TBL3: variants seen among roughly 807,000 people sequenced by gnomAD.
TBL3 encodes the protein transducin beta-like protein 3.
TBL3 carries 71 observed loss-of-function variants against 102.7 expected under a neutral mutation model. The observed-to-expected ratio is 0.69, with a 90% confidence interval of 0.57 to 0.84. The LOEUF (loss-of-function observed/expected upper bound fraction) is 0.84. Ranked by LOEUF, TBL3 falls within the 40% of genes least tolerant of loss-of-function variation. The pLI is 0.00. For synonymous variants in TBL3, 578 were observed against 477.7 expected, an observed-to-expected ratio of 1.21 and a Z score of -2.74; for missense variants, 1,188 against 1,098.5, an observed-to-expected ratio of 1.08 and a Z score of -1.15.
rs76059545 is a variant in TBL3 at position 1,973,083 on chromosome 16, G to A, written c.41+878G>A. The stretch of plus-strand genomic sequence containing the variant: ...GGGAGGTGTGTGGGCAGAAGGGAGG[G>A]GCTAACGCAGGGCAGTGACATCTTC... On this transcript the variant is annotated intron_variant, in intron 1 of 21. Coordinates refer to ENST00000568546, the MANE Select transcript of TBL3 (RefSeq NM_006453.3). Among the ~76,000 whole-genome samples, 1,504 of 152,278 alleles carry A rather than the reference G, an allele frequency of 9.9e-3. 24 individuals carry two copies. The highest frequency in any genetic ancestry group is 0.034 in the African/African-American group (1,400 of 41,536).
chr16:1,977,468 C>CGG lies in TBL3; in HGVS notation c.1743-41_1743-40dup, dbSNP rs143294847. The CGG allele has an allele frequency of 1.9e-4, 110 of 568,550 alleles. 2 individuals are homozygous for CGG. Among genetic ancestry groups the CGG allele is most frequent in the African/African-American group, 1.9e-3 (98 of 51,450 alleles). The allele number at this position is 568,550 out of a possible 1,614,324, so 35.2% of individuals were successfully genotyped here. A position where few individuals can be genotyped will look rare whatever the true frequency, so the allele number is the denominator to read the frequency against. ...GGGGCAGCGATGGAGTGGGGGGTGG[C>CGG]GGGGGGACCTGCCTGACGCTGAGCC... On this transcript the variant is annotated intron_variant, in intron 16 of 21. Transcript: ENST00000568546.
chr16:1,981,224 C>T lies in TBL3; in HGVS notation c.*2539C>T, dbSNP rs2083503608. 6.2e-7 allele frequency: 1 copy of T among 1,611,660 alleles called. No homozygotes were observed. The highest frequency in any genetic ancestry group is 8.5e-7 in the Non-Finnish European group (1 of 1,179,336). On this transcript the variant is annotated 3_prime_UTR_variant, in exon 22 of 22. Transcript: ENST00000568546. The stretch of plus-strand genomic sequence containing the variant: ...CAGATTCCTGAAATGGGCGAGGACC[C>T]TTCTGCCTCCCCGTGCTTGAGAGGG...
At position 1,974,660 on chromosome 16, in the gene TBL3, C is replaced by G. The variant is rs1425842936; in HGVS notation, c.360C>G (p.Thr120=). The change falls in exon 5 of 22, where the codon ACC becomes ACG. Residue 120 remains threonine (T), a synonymous_variant. Coordinates refer to ENST00000568546, the MANE Select transcript of TBL3 (RefSeq NM_006453.3). ...TGGCCACCATGGCCTTCGACCCCAC[C>G]TCCACTCTGCTAGCCACAGGTAGGG... is the stretch of plus-strand genomic sequence containing the variant. ...APVATMAFDP[T]STLLATGGCD... 1.2e-6 allele frequency: 2 copies of G among 1,608,792 alleles called. No homozygotes were observed. The highest frequency in any genetic ancestry group is 1.3e-5 in the African/African-American group (1 of 74,878).
rs1219840443 is a variant in TBL3 at position 1,976,215 on chromosome 16, A to G, written c.1193A>G (p.Gln398Arg). ...TCCTCAACTCCCTGTCCCCAGGATC[A>G]GAGCGTCCGTATCTGGAGAATGAAC... ...GWLFASCAKD[Q>R]SVRIWRMNKA... Residue 398 changes from glutamine to arginine, a missense_variant, in exon 13 of 22, where the codon CAG becomes CGG. Physicochemically the swap from Gln to Arg is conservative, Grantham distance 43. Coordinates refer to ENST00000568546, the MANE Select transcript of TBL3 (RefSeq NM_006453.3). The G allele has an allele frequency of 2.5e-6, 4 of 1,614,076 alleles. No individual in the cohort carries two copies. The highest frequency in any genetic ancestry group is 1.7e-5 in the Admixed American group (1 of 60,006).
At chr16:1,974,345 A>G in intron 3 of TBL3, 31 bp from the exon 4 acceptor site, 1 of 1,596,884 alleles carries the variant, frequency 6.3e-7, no homozygotes. Context: ...GCCCACTCAC[A>G]CCGTGCTCGG....
In TBL3 at chr16:1,977,649, C is replaced by T; in HGVS notation, c.1878C>T (p.Asp626=). 3 of 1,551,926 alleles carry T rather than the reference C, an allele frequency of 1.9e-6. No individual in the cohort carries two copies. The highest frequency in any genetic ancestry group is 2.6e-6 in the Non-Finnish European group (3 of 1,147,220). Residue 626 remains aspartate (D), a synonymous_variant, in exon 17 of 22, where the codon GAC becomes GAT. Coordinates refer to ENST00000568546, the MANE Select transcript of TBL3 (RefSeq NM_006453.3). ...LDDHALTGAS[D]SRVILWKDVT... is the part of the protein sequence containing the mutation. ...ACCACGCCCTCACTGGGGCCAGTGA[C>T]TCCCGAGTCATCCTCTGGAAGGTTG... is the stretch of plus-strand genomic sequence containing the variant.
chr16:1,980,028 C>G lies in TBL3; in HGVS notation c.*1343C>G. 1.2e-6 allele frequency: 2 copies of G among 1,606,602 alleles called. No individual in the cohort carries two copies. Among genetic ancestry groups the G allele is most frequent in the East Asian group, 4.5e-5 (2 of 44,656 alleles). On this transcript the variant is annotated 3_prime_UTR_variant, in exon 22 of 22. Transcript: ENST00000568546. Reference sequence around the variant, plus strand: ...GGTGCCGCAGCAGCACGTCCAGGCTCTCCTGGGCCTGCGCCTGAAAAGGCC... The same window carrying G: ...GGTGCCGCAGCAGCACGTCCAGGCTGTCCTGGGCCTGCGCCTGAAAAGGCC...
Position 1,977,224 on chromosome 16 carries a change from C to T in TBL3, c.1611C>T (p.Ala537=), listed in dbSNP as rs145603054. Residue 537 remains alanine (A), a synonymous_variant, in exon 15 of 22, where the codon GCC becomes GCT. Transcript: ENST00000568546. Reference sequence around the variant, plus strand: ...TCTCTCCCATGGACCAGGTGCTGGCCACGGCCTCAGCTGATGGCACCATCA... The same window carrying T: ...TCTCTCCCATGGACCAGGTGCTGGCTACGGCCTCAGCTGATGGCACCATCA... ...VQFSPMDQVL[A]TASADGTIKL... The T allele has an allele frequency of 3.6e-5, 58 of 1,613,222 alleles. No homozygotes were observed. In the African/African-American group the frequency reaches 6.9e-4, roughly 19 times the overall value.
At chr16:1,978,248 C>T (rs747908144) in intron 20 of TBL3, 28 bp downstream of exon 20, 105 of 1,612,520 alleles carry the variant, frequency 6.5e-5, no homozygotes, top group Admixed American at 3.3e-4. Flanking sequence ...GTGGGTGGCC[C>T]GGTGGGCAAG....
chr16:1,972,169 C>A lies in TBL3; in HGVS notation c.5C>A (p.Ala2Glu). Reference protein sequence around the residue: MAETAAGVGRFK... With the variant: MEETAAGVGRFK... ...TGGAGCGGCGGCGGCGGCAACATGG[C>A]AGAGACCGCGGCCGGAGTGGGCCGC... is the stretch of plus-strand genomic sequence containing the variant. The change falls in exon 1 of 22, where the codon GCA (alanine) becomes GAA (glutamate). Residue 2 changes from alanine (A) to glutamate (E), a missense_variant. Transcript: ENST00000568546. 6.9e-7 allele frequency: 1 copy of A among 1,448,186 alleles called. No individual in the cohort carries two copies. The allele number at this position is 1,448,186 out of a possible 1,614,324, so 89.7% of individuals were successfully genotyped here. A position where few individuals can be genotyped will look rare whatever the true frequency, so the allele number is the denominator to read the frequency against.
chr16:1,977,641 G>A lies in TBL3; in HGVS notation c.1870G>A (p.Ala624Thr). 1 of 1,552,536 alleles carries A rather than the reference G, an allele frequency of 6.4e-7. No homozygotes were observed. Among genetic ancestry groups the A allele is most frequent in the Non-Finnish European group, 8.7e-7 (1 of 1,147,514 alleles). Residue 624 changes from alanine (A) to threonine (T), a missense_variant, in exon 17 of 22, where the codon GCC (alanine) becomes ACC (threonine). Transcript: ENST00000568546. ...SRLDDHALTGASDSRVILWKD... is the reference protein window; with the variant it reads ...SRLDDHALTGTSDSRVILWKD... ...GCTGGACGACCACGCCCTCACTGGG[G>A]CCAGTGACTCCCGAGTCATCCTCTG...
At chr16:1,974,871 G>C (rs374057780) in intron 6 of TBL3, 24 bp downstream of exon 6, 38 of 1,612,918 alleles carry the variant, frequency 2.4e-5, no homozygotes, top group Non-Finnish European at 3.2e-5. Flanking sequence ...TGGAGGGGGA[G>C]GGCAGAGGCA....
rs1314214543 is a variant in TBL3, at chr16:1,979,473, G to GC, written c.*793dup. The GC allele has an allele frequency of 6.2e-7, 1 of 1,611,644 alleles. No homozygotes were observed. Among genetic ancestry groups the GC allele is most frequent in the African/African-American group, 1.3e-5 (1 of 75,020 alleles). On this transcript the variant is annotated 3_prime_UTR_variant, in exon 22 of 22. Transcript: ENST00000568546. ...TGACGTTTCCAACACGCGCACGCGC[G>GC]CCCCCGCGGGCACGGACAGCTCATC...
intron 13 of TBL3, among the ~76,000 whole-genome samples, chr16:1,976,559 G>A (rs1021429830): frequency 2.0e-5 from 3 of 152,204 alleles, no homozygotes; most frequent in South Asian, 2.1e-4. Flanking sequence ...GACCCTGCAC[G>A]AGGCCCAGGT....
chr16:1,973,955 G>C (rs900273954), intron 1 of TBL3, 101 bp from the exon 2 acceptor site: 6 of 1,287,160 alleles, frequency 4.7e-6, no homozygotes, highest in Non-Finnish European at 6.1e-6. Context: ...CTCAAGGGCA[G>C]GGGCCATTGG....
At position 1,980,505 on chromosome 16, in the gene TBL3, C is replaced by T. The variant is rs763912614; in HGVS notation, c.*1820C>T. ...TTCCAACAGCTGCAGGCGCGCCAGG[C>T]CGCGGCTCGTGCGCCCCACGCGTCC... On this transcript the variant is annotated 3_prime_UTR_variant, in exon 22 of 22. Coordinates refer to ENST00000568546, the MANE Select transcript of TBL3 (RefSeq NM_006453.3). 6.2e-6 allele frequency: 10 copies of T among 1,603,146 alleles called. No individual in the cohort carries two copies. Among genetic ancestry groups the T allele is most frequent in the Non-Finnish European group, 8.5e-6 (10 of 1,179,388 alleles).
Position 1,975,944 on chromosome 16 carries a change from A to G in TBL3, c.1124A>G (p.His375Arg), listed in dbSNP as rs770007162. Residue 375 changes from histidine (H) to arginine (R), a missense_variant, in exon 11 of 22, where the codon CAC (histidine) becomes CGC (arginine). By Grantham distance (29) the His-to-Arg change is conservative (BLOSUM62 0). Coordinates refer to ENST00000568546, the MANE Select transcript of TBL3 (RefSeq NM_006453.3). ...TCAGCCTGCCAGATCCTCCACGGCC[A>G]CACGGGTGAGTGGGGCCAGCCCACC... is the stretch of plus-strand genomic sequence containing the variant. ...QTSACQILHG[H>R]TDIVLALDVF... 27 of 1,614,142 alleles carry G rather than the reference A, an allele frequency of 1.7e-5. No individual in the cohort carries two copies. The highest frequency in any genetic ancestry group is 2.3e-5 in the Non-Finnish European group (27 of 1,180,016).
intron 16 of TBL3, 39 bp downstream of exon 16, chr16:1,977,465 T>TGGGGGGGGGGGG: frequency 1.7e-6 from 1 of 578,988 alleles, no homozygotes; most frequent in Admixed American, 2.5e-5. Flanking sequence ...GAGTGGGGGG[T>TGGGGGGGGGGGG]GGCGGGGGGA....
Position 1,980,188 on chromosome 16 carries a change from A to G in TBL3, c.*1503A>G. Reference sequence around the variant, plus strand: ...GGTGGGCAGGATCACCCGGCTGGGAAGGGCAGCCCGTACGAGTGAGAGGTA... The same window carrying G: ...GGTGGGCAGGATCACCCGGCTGGGAGGGGCAGCCCGTACGAGTGAGAGGTA... On this transcript the variant is annotated 3_prime_UTR_variant, in exon 22 of 22. Transcript: ENST00000568546. 1 of 1,594,570 alleles carries G rather than the reference A, an allele frequency of 6.3e-7. No individual in the cohort carries two copies. The highest frequency in any genetic ancestry group is 8.5e-7 in the Non-Finnish European group (1 of 1,173,664).
Sources: gnomAD v4.1 joint callset for allele counts (sites outside exome capture counted in the v4.1 genomes callset) on GRCh38, gnomAD v4.1.1 for gene constraint, MANE v1.5 for transcripts, NCBI Gene and HGNC (gene_info 2026-07-23, HGNC 2026-07-21) for gene names.